PRELID2: variants seen among roughly 807,000 people sequenced by gnomAD.
PRELID2 encodes PRELI domain-containing protein 2.
PRELID2 carries 25 observed loss-of-function variants against 28.4 expected under a neutral mutation model. That is an observed-to-expected ratio of 0.88 (90% CI 0.64 to 1.23). The LOEUF (loss-of-function observed/expected upper bound fraction) is 1.23, where lower values mean the gene tolerates loss of function less well. Ranked by LOEUF, PRELID2 falls within the 50% of genes most tolerant of loss-of-function variation. The pLI is 0.00. For synonymous variants in PRELID2, 76 were observed against 71.6 expected (o/e 1.06, Z -0.31); for missense variants, 201 against 214.4 (o/e 0.94, Z 0.39).
At chr5:145,517,498 T>C (rs111463834) in intron 1 of PRELID2, among the ~76,000 whole-genome samples, 2,762 of 152,250 alleles carry the variant, frequency 0.018, 71 homozygotes, top group African/African-American at 0.063. Flanking sequence ...CAACAGATTC[T>C]GGAGATGTGG....
At chr5:145,457,367 G>T in the PRELID2 span, among the ~76,000 whole-genome samples, 3 of 152,096 alleles carry the variant, frequency 2.0e-5, no homozygotes, top group Non-Finnish European at 4.4e-5. Context: ...GCTTCATCTT[G>T]GTAAATGCTA....
intron 1 of PRELID2, among the ~76,000 whole-genome samples, chr5:145,696,400 G>A (rs949801285): frequency 7.2e-5 from 11 of 151,836 alleles, no homozygotes; most frequent in African/African-American, 1.5e-4. Context: ...TCATTCGTTC[G>A]TTCATTCATT....
chr5:145,537,187 G>A (rs1752706760), intron 1 of PRELID2, among the ~76,000 whole-genome samples: 1 of 151,852 alleles, frequency 6.6e-6, no homozygotes, highest in African/African-American at 2.4e-5. Context: ...GGGGAATAGA[G>A]AGGCATAAAT....
rs138888536 is a variant in PRELID2 at position 145,771,354 on chromosome 5, A to T, written c.475-6354T>A. ...CTCTATGAGGTTTGTACAATGACAA[A>T]ATCGTCTAATAATATATTTCTCAGA... is the stretch of plus-strand genomic sequence containing the variant. On this transcript the variant is annotated intron_variant, in intron 5 of 6. Coordinates refer to ENST00000683046, the MANE Select transcript of PRELID2 (RefSeq NM_205846.3). 6.1e-3 allele frequency among the ~76,000 whole-genome samples: 933 copies of T among 152,130 alleles called. 5 individuals carry two copies. Among genetic ancestry groups the T allele is most frequent in the South Asian group, 9.5e-3 (46 of 4,818 alleles).
chr5:145,592,310 C>A (rs1359936264), intron 1 of PRELID2, among the ~76,000 whole-genome samples: 3 of 151,838 alleles, frequency 2.0e-5, no homozygotes, highest in Non-Finnish European at 4.4e-5. Flanking sequence ...ACTCGGGATG[C>A]TGAGGAAGGA....
At chr5:145,325,813 G>A in the PRELID2 span, among the ~76,000 whole-genome samples, 1 of 152,094 alleles carries the variant, frequency 6.6e-6, no homozygotes, top group Non-Finnish European at 1.5e-5. Flanking sequence ...ATGGGGGGAA[G>A]TATTAAAACT....
At chr5:145,595,387 G>A (rs918964282) in intron 1 of PRELID2, among the ~76,000 whole-genome samples, 13 of 152,142 alleles carry the variant, frequency 8.5e-5, no homozygotes, top group Admixed American at 5.9e-4. Context: ...AAGGTGGGTT[G>A]TAGTTTGGAA....
the PRELID2 span, among the ~76,000 whole-genome samples, chr5:145,459,313 G>A: frequency 6.6e-6 from 1 of 152,092 alleles, no homozygotes; most frequent in East Asian, 1.9e-4. Flanking sequence ...CTCTCTAGAT[G>A]CTACATCATA....
intron 1 of PRELID2, among the ~76,000 whole-genome samples, chr5:145,516,542 C>T (rs11959633): frequency 0.18 from 28,003 of 152,004 alleles, 2,948 homozygotes; most frequent in South Asian, 0.36. Context: ...GAATCAATAT[C>T]GTGAAAATGG....
chr5:145,566,331 T>C (rs1435415685), intron 1 of PRELID2, among the ~76,000 whole-genome samples: 2 of 152,124 alleles, frequency 1.3e-5, no homozygotes, highest in Admixed American at 1.3e-4. Context: ...CATCCACTCT[T>C]CCAACGCCAT....
the PRELID2 span, among the ~76,000 whole-genome samples, chr5:145,308,090 T>A: frequency 6.6e-6 from 1 of 152,174 alleles, no homozygotes; most frequent in African/African-American, 2.4e-5. Flanking sequence ...CACCACTAAC[T>A]ACTCTAGCAA....
At chr5:145,674,355 G>A (rs748754910) in intron 1 of PRELID2, among the ~76,000 whole-genome samples, 9 of 148,856 alleles carry the variant, frequency 6.0e-5, no homozygotes, top group Non-Finnish European at 8.9e-5. Flanking sequence ...GTTCCCCACC[G>A]TGTGTCCAAG....
chr5:145,442,692 T>C, the PRELID2 span, among the ~76,000 whole-genome samples: 1 of 152,086 alleles, frequency 6.6e-6, no homozygotes, highest in South Asian at 2.1e-4. Context: ...ACATAACATT[T>C]GTATGTAGAA....
intron 1 of PRELID2, among the ~76,000 whole-genome samples, chr5:145,567,605 T>C (rs888666082): frequency 6.6e-6 from 1 of 152,210 alleles, no homozygotes; most frequent in Admixed American, 6.5e-5. Context: ...CTCAAACTCC[T>C]GACCTCAAGT....
chr5:145,424,229 G>C, the PRELID2 span, among the ~76,000 whole-genome samples: 1 of 152,228 alleles, frequency 6.6e-6, no homozygotes, highest in Admixed American at 6.5e-5. Context: ...GCCTACAGAG[G>C]CAGGCAGGCC....
chr5:145,313,948 G>C, the PRELID2 span, among the ~76,000 whole-genome samples: 1 of 152,296 alleles, frequency 6.6e-6, no homozygotes, highest in Non-Finnish European at 1.5e-5. Context: ...ACAGTATCTA[G>C]ACTCTTGTTC....
At chr5:145,309,900 T>C in the PRELID2 span, among the ~76,000 whole-genome samples, 1 of 152,190 alleles carries the variant, frequency 6.6e-6, no homozygotes, top group South Asian at 2.1e-4. Flanking sequence ...CCTAAAGTGA[T>C]AGGCTAAGCT....
At chr5:145,431,960 G>A in the PRELID2 span, among the ~76,000 whole-genome samples, 1 of 152,082 alleles carries the variant, frequency 6.6e-6, no homozygotes, top group African/African-American at 2.4e-5. Flanking sequence ...ACAGAGAAGA[G>A]ATAAATTATA....
At chr5:145,507,042 T>C (rs1752418375) in intron 1 of PRELID2, among the ~76,000 whole-genome samples, 1 of 152,216 alleles carries the variant, frequency 6.6e-6, no homozygotes, top group Non-Finnish European at 1.5e-5. Flanking sequence ...TATTCACTAT[T>C]TAAACTGCAA....
Sources: gnomAD v4.1 joint callset for allele counts (sites outside exome capture counted in the v4.1 genomes callset) on GRCh38, gnomAD v4.1.1 for gene constraint, MANE v1.5 for transcripts, NCBI Gene and HGNC (gene_info 2026-07-23, HGNC 2026-07-21) for gene names.